UBN2: variants seen among roughly 807,000 people sequenced by gnomAD.
UBN2 encodes ubinuclein-2.
A neutral mutation model predicts 120.2 loss-of-function variants in UBN2; 35 were observed. The observed-to-expected ratio is 0.29, with a 90% CI of 0.22 to 0.39. UBN2 has a LOEUF of 0.39. Ranked by LOEUF, UBN2 falls within the 10% of genes least tolerant of loss-of-function variation. UBN2 has a pLI of 1.00. For synonymous variants in UBN2, 661 were observed against 648.7 expected (o/e 1.02, Z -0.29); for missense variants, 1,693 against 1,663.2 (o/e 1.02, Z -0.31).
At chr7:139,248,419 C>A (rs1796531114) in intron 2 of UBN2, among the ~76,000 whole-genome samples, 1 of 152,084 alleles carries the variant, frequency 6.6e-6, no homozygotes, top group African/African-American at 2.4e-5. Context: ...TATTCTCCAT[C>A]TTTTCAGAAT....
intron 13 of UBN2, among the ~76,000 whole-genome samples, chr7:139,280,146 A>G (rs931689277): frequency 2.0e-5 from 3 of 152,214 alleles, no homozygotes; most frequent in Non-Finnish European, 4.4e-5. Context: ...CATTCCTCCT[A>G]TAAACCATGG....
chr7:139,291,860 A>T (rs946671849), intron 15 of UBN2, among the ~76,000 whole-genome samples: 2 of 152,264 alleles, frequency 1.3e-5, no homozygotes, highest in South Asian at 4.1e-4. Context: ...TCTCTAAAAA[A>T]AATAATAATA....
At chr7:139,262,970 C>G (rs1796984855) in intron 6 of UBN2, among the ~76,000 whole-genome samples, 1 of 152,048 alleles carries the variant, frequency 6.6e-6, no homozygotes, top group African/African-American at 2.4e-5. Flanking sequence ...AGGAACCAAT[C>G]CTGTGTGTTA....
At chr7:139,323,428 G>T in the UBN2 span, among the ~76,000 whole-genome samples, 1 of 152,040 alleles carries the variant, frequency 6.6e-6, no homozygotes, top group Non-Finnish European at 1.5e-5. Flanking sequence ...CTGCCCTGAG[G>T]TTCACAGCAT....
chr7:139,283,319 A>T lies in UBN2; in HGVS notation c.2414A>T (p.Lys805Ile), dbSNP rs760569503. The T allele has an allele frequency of 2.9e-5, 47 of 1,613,958 alleles. No homozygotes were observed. The highest frequency in any genetic ancestry group is 3.8e-5 in the Non-Finnish European group (45 of 1,179,996). ...TKPRPGLREEKLASIMSKLPL... is the reference protein window; with the variant it reads ...TKPRPGLREEILASIMSKLPL... ...CCTCGTCCAGGACTGAGAGAAGAAA[A>T]ATTAGCAAGTATCATGAGTAAGCTG... Residue 805 changes from lysine (K) to isoleucine (I), a missense_variant, in exon 15 of 18, where the codon AAA becomes ATA. Physicochemically the swap from Lys to Ile is moderately radical, Grantham distance 102. Transcript: ENST00000473989.
chr7:139,314,910 C>G, the UBN2 span, among the ~76,000 whole-genome samples: 1 of 151,640 alleles, frequency 6.6e-6, no homozygotes, highest in Non-Finnish European at 1.5e-5. Flanking sequence ...TTCAAAGAAC[C>G]GTGAATGTTT....
chr7:139,317,388 C>T, the UBN2 span, among the ~76,000 whole-genome samples: 1 of 151,944 alleles, frequency 6.6e-6, no homozygotes, highest in African/African-American at 2.4e-5. Context: ...CCAGGCTGGT[C>T]TCAAGATTAA....
intron 12 of UBN2, among the ~76,000 whole-genome samples, chr7:139,279,027 T>C (rs756939130): frequency 6.6e-6 from 1 of 152,130 alleles, no homozygotes. Flanking sequence ...CTGCGGTTCC[T>C]TGAAGCTCTT....
In UBN2 at chr7:139,304,706, GGTGT is replaced by G. The variant is rs370546913; in HGVS notation, c.*6901_*6904del. 1.2e-3 allele frequency: 164 copies of G among 140,414 alleles called. No homozygotes were observed. The highest frequency in any genetic ancestry group is 9.5e-3 in the South Asian group (41 of 4,336). 8.7% of individuals were successfully genotyped at this position (140,414 alleles called of 1,614,324 possible). On this transcript the variant is annotated 3_prime_UTR_variant, in exon 18 of 18. Coordinates refer to ENST00000473989, the MANE Select transcript of UBN2 (RefSeq NM_173569.4). ...AGGTCCACTGAATCTCTAATGATAG[GGTGT>G]GTGTGTGTGTGTGTGTGTGTGTGTG...
At position 139,298,174 on chromosome 7, in the gene UBN2, T is replaced by G; in HGVS notation, c.*338T>G. On this transcript the variant is annotated 3_prime_UTR_variant, in exon 18 of 18. Coordinates refer to ENST00000473989, the MANE Select transcript of UBN2 (RefSeq NM_173569.4). Reference sequence around the variant, plus strand: ...GAGGAAGAAGGAAGTGAAGAGAATTTGGGTAAACTCCATCCATCCTGGGGG... The same window carrying G: ...GAGGAAGAAGGAAGTGAAGAGAATTGGGGTAAACTCCATCCATCCTGGGGG... The G allele has an allele frequency of 4.0e-6, 1 of 251,684 alleles. No homozygotes were observed. The highest frequency in any genetic ancestry group is 7.7e-6 in the Non-Finnish European group (1 of 130,616). 15.6% of individuals were successfully genotyped at this position (251,684 alleles called of 1,614,324 possible). A position where few individuals can be genotyped will look rare whatever the true frequency, so the allele number is the denominator to read the frequency against.
chr7:139,235,859 TCCACATTTTTCTATCATGTTTTTTAGACC>T (rs1796150787), intron 1 of UBN2, among the ~76,000 whole-genome samples: 2 of 152,226 alleles, frequency 1.3e-5, no homozygotes, highest in African/African-American at 4.8e-5. Context: ...ATTCATTCTG[TCCACATTTTTCTATCATGTTTTTTAGACC>T]GATCATGTCT....
chr7:139,295,480 TAAAC>T (rs1798083851), intron 17 of UBN2, among the ~76,000 whole-genome samples: 1 of 152,156 alleles, frequency 6.6e-6, no homozygotes, highest in Non-Finnish European at 1.5e-5. Context: ...TGCAAGGAAT[TAAAC>T]AAGCAGGATT....
chr7:139,324,336 G>A, the UBN2 span, among the ~76,000 whole-genome samples: 2 of 151,930 alleles, frequency 1.3e-5, no homozygotes, highest in African/African-American at 2.4e-5. Flanking sequence ...TTGGGAGGCC[G>A]AGGCGGGAGG....
At chr7:139,260,792 G>T (rs1046405156) in intron 5 of UBN2, among the ~76,000 whole-genome samples, 5 of 152,122 alleles carry the variant, frequency 3.3e-5, no homozygotes, top group African/African-American at 7.2e-5. Flanking sequence ...CTTTTATTGA[G>T]TGTATTGTTT....
At position 139,237,014 on chromosome 7, in the gene UBN2, A is replaced by G; in HGVS notation, c.478A>G (p.Ile160Val). 1.2e-6 allele frequency: 2 copies of G among 1,609,248 alleles called. No individual in the cohort carries two copies. The highest frequency in any genetic ancestry group is 1.7e-5 in the Admixed American group (1 of 59,530). The change falls in exon 2 of 18, where the codon ATT becomes GTT. Residue 160 changes from isoleucine to valine, a missense_variant. Physicochemically the swap from Ile to Val is conservative, Grantham distance 29. Coordinates refer to ENST00000473989, the MANE Select transcript of UBN2 (RefSeq NM_173569.4). ...ATTCACCTTGAATCAGAAGAAGCTC[A>G]TTCACACAGAAGACCCATTTAATGA... ...LLCGEQRKKL[I>V]HTEDPFNDEH...
rs1798172604 is a variant in UBN2 at position 139,298,470 on chromosome 7, G to C, written c.*634G>C. On this transcript the variant is annotated 3_prime_UTR_variant, in exon 18 of 18. Transcript: ENST00000473989. ...CCTTCAGGAAAGTTATTTTAGCACA[G>C]TGATATATATTATTAAATCATCTAG... is the stretch of plus-strand genomic sequence containing the variant. The C allele has an allele frequency of 6.6e-6, 1 of 152,184 alleles. No homozygotes were observed. The highest frequency in any genetic ancestry group is 1.5e-5 in the Non-Finnish European group (1 of 68,040). 9.4% of individuals were successfully genotyped at this position (152,184 alleles called of 1,614,324 possible).
At chr7:139,276,511 A>C in intron 12 of UBN2, 1 of 253,532 alleles carries the variant, frequency 3.9e-6, no homozygotes. Context: ...GGACAGATCC[A>C]TATGCACACC....
chr7:139,232,167 T>G (rs562134686), intron 1 of UBN2, among the ~76,000 whole-genome samples: 1 of 151,712 alleles, frequency 6.6e-6, no homozygotes, highest in African/African-American at 2.4e-5. Context: ...CTGCGCCGAA[T>G]CCCCAAACCC....
At chr7:139,311,362 G>C (rs1798444942), downstream of UBN2, among the ~76,000 whole-genome samples, 2 of 152,172 alleles carry the variant, frequency 1.3e-5, no homozygotes, top group Admixed American at 6.5e-5. Flanking sequence ...TGTTGTCTCT[G>C]TGTTTGTCCC....
Sources: gnomAD v4.1 joint callset for allele counts (sites outside exome capture counted in the v4.1 genomes callset) on GRCh38, gnomAD v4.1.1 for gene constraint, MANE v1.5 for transcripts, NCBI Gene and HGNC (gene_info 2026-07-23, HGNC 2026-07-21) for gene names.